The following STX6 variants were observed in gnomAD, a reference collection of about 807,000 sequenced individuals.
STX6 encodes syntaxin-6.
Under a neutral mutation model 38.0 loss-of-function variants are expected in STX6, and 23 were observed. The observed-to-expected ratio is 0.60, with a 90% CI of 0.43 to 0.86. STX6 has a LOEUF of 0.86. Among genes scored for constraint, STX6 ranks in the 40% least tolerant of loss-of-function variants. STX6 has a pLI of 0.00. For synonymous variants in STX6, 123 were observed against 107.5 expected (o/e 1.14, Z -0.89); for missense variants, 274 against 312.9 (o/e 0.88, Z 0.94).
At chr1:180,994,455 C>T (rs994202854) in intron 3 of STX6, among the ~76,000 whole-genome samples, 3 of 152,212 alleles carry the variant, frequency 2.0e-5, no homozygotes, top group African/African-American at 7.2e-5. Context: ...CTAGCTAGGC[C>T]CCTGCCCACA....
intron 1 of STX6, among the ~76,000 whole-genome samples, chr1:181,022,082 C>T (rs1656745023): frequency 1.3e-5 from 2 of 152,126 alleles, no homozygotes; most frequent in African/African-American, 2.4e-5. Context: ...TGCTCCCCAG[C>T]CTCCCAGAAC....
intron 2 of STX6, 116 bp from the exon 3 acceptor site, chr1:181,002,816 C>T: frequency 1.5e-6 from 1 of 673,956 alleles, no homozygotes; most frequent in Non-Finnish European, 2.6e-6. Context: ...TTTCTGAAAA[C>T]ACAGTCAGCT....
intron 6 of STX6, among the ~76,000 whole-genome samples, chr1:180,985,609 A>T (rs530567799): frequency 6.6e-6 from 1 of 152,330 alleles, no homozygotes; most frequent in Non-Finnish European, 1.5e-5. Context: ...AGTATTTCCC[A>T]CTAGGAAAAC....
At chr1:180,979,529 CAA>C (rs1194648957) in intron 7 of STX6, among the ~76,000 whole-genome samples, 1 of 152,186 alleles carries the variant, frequency 6.6e-6, no homozygotes, top group Admixed American at 6.5e-5. Context: ...TACACCTTAA[CAA>C]AAATTAACTC....
chr1:181,022,072 T>A (rs376213090), intron 1 of STX6, among the ~76,000 whole-genome samples: 1 of 152,130 alleles, frequency 6.6e-6, no homozygotes, highest in Non-Finnish European at 1.5e-5. Context: ...TCCGGTGCCC[T>A]GCTCCCCAGC....
Position 181,002,698 on chromosome 1 carries a change from T to C in STX6, c.208A>G (p.Ile70Val), listed in dbSNP as rs769801487. 1.2e-4 allele frequency: 196 copies of C among 1,610,068 alleles called. No homozygotes were observed. The highest frequency in any genetic ancestry group is 1.6e-4 in the Non-Finnish European group (191 of 1,176,816). ...AATTTTCTAGGATTTGCTTCAACTA[T>C]GCGTAGGTCAAAAAGTCAAGGTAAA... ...DLEDLDETIS[I>V]VEANPRKFNL... is the part of the protein sequence containing the mutation. Residue 70 changes from isoleucine to valine, a missense_variant and splice_region_variant, in exon 3 of 8, where the codon ATA becomes GTA. Coordinates refer to ENST00000258301, the MANE Select transcript of STX6 (RefSeq NM_005819.6).
chr1:180,987,019 C>CA (rs1267441383), intron 6 of STX6, among the ~76,000 whole-genome samples: 1 of 152,194 alleles, frequency 6.6e-6, no homozygotes, highest in African/African-American at 2.4e-5. Flanking sequence ...CACACCTGAT[C>CA]ACACCATCAC....
chr1:180,986,619 C>T (rs1655597342), intron 6 of STX6, among the ~76,000 whole-genome samples: 1 of 152,196 alleles, frequency 6.6e-6, no homozygotes, highest in South Asian at 2.1e-4. Flanking sequence ...TCATAGCTCA[C>T]TGCAGCCTCA....
chr1:181,012,760 C>T (rs746474435), intron 1 of STX6, among the ~76,000 whole-genome samples: 5 of 151,144 alleles, frequency 3.3e-5, no homozygotes, highest in Admixed American at 1.3e-4. Context: ...CCACAACCTC[C>T]GCCTCCCAGG....
chr1:181,017,724 T>C (rs1656601779), intron 1 of STX6, among the ~76,000 whole-genome samples: 2 of 152,294 alleles, frequency 1.3e-5, no homozygotes, highest in Non-Finnish European at 2.9e-5. Context: ...TTAAATATGA[T>C]ATTTTCACCC....
Position 180,984,738 on chromosome 1 carries a change from G to GCT in STX6, c.628_629dup (p.Ser210ArgfsTer10), listed in dbSNP as rs1558087995. 6.3e-7 allele frequency: 1 copy of GCT among 1,595,220 alleles called. No homozygotes were observed. The stretch of plus-strand genomic sequence containing the variant: ...TCACATTGTCCAGCCGGGACTGAGT[G>GCT]CTCTCCAATTCGTGAGAGAAATCTT... On this transcript the variant is annotated frameshift_variant, in exon 7 of 8. Transcript: ENST00000258301. LOFTEE classifies it high-confidence loss of function.
At chr1:180,980,719 TA>T (rs1655387172) in intron 7 of STX6, 1 of 152,128 alleles carries the variant, frequency 6.6e-6, no homozygotes. Flanking sequence ...CACGCCTGGC[TA>T]ATTTGCACAT....
chr1:181,016,346 TTTC>T (rs1475488570), intron 1 of STX6, among the ~76,000 whole-genome samples: 2 of 152,210 alleles, frequency 1.3e-5, no homozygotes, highest in African/African-American at 4.8e-5. Context: ...AGCATGGGTC[TTTC>T]TTTTTTTTTC....
intron 1 of STX6, among the ~76,000 whole-genome samples, chr1:181,007,879 CA>C (rs892987405): frequency 1.5e-4 from 23 of 151,652 alleles, no homozygotes; most frequent in African/African-American, 3.9e-4. Flanking sequence ...AATTCTAAAA[CA>C]AAAAAAATGT....
In STX6 at chr1:181,005,358, G is replaced by C; in HGVS notation, c.141C>G (p.Thr47=). Residue 47 remains threonine (T), a synonymous_variant, in exon 2 of 8, where the codon ACC becomes ACG. Transcript: ENST00000258301. ...TCCGGAGGTTATTTCTCAGCTCGTT[G>C]GTGGTCCAGTCGATTTCTTCCCTTG... is the stretch of plus-strand genomic sequence containing the variant. ...TATREEIDWT[T]NELRNNLRSI... is the part of the protein sequence containing the mutation. The C allele has an allele frequency of 1.2e-6, 2 of 1,614,082 alleles. No homozygotes were observed.
intron 7 of STX6, among the ~76,000 whole-genome samples, chr1:180,980,330 T>A (rs2102300390): frequency 9.9e-6 from 1 of 100,706 alleles, no homozygotes; most frequent in Non-Finnish European, 2.3e-5. Context: ...ATTAGAATGG[T>A]CAAAACCCCA....
chr1:181,021,601 T>G (rs1656728234), intron 1 of STX6, among the ~76,000 whole-genome samples: 2 of 152,220 alleles, frequency 1.3e-5, no homozygotes, highest in Non-Finnish European at 2.9e-5. Context: ...CCTGGGAACT[T>G]TGCAGTTTTC....
chr1:180,992,167 G>A (rs1655773958), intron 4 of STX6, among the ~76,000 whole-genome samples: 1 of 152,010 alleles, frequency 6.6e-6, no homozygotes. Flanking sequence ...TTTCAAGAGA[G>A]GGAGCCAGAT....
chr1:180,983,138 T>C (rs1289395910), intron 7 of STX6, among the ~76,000 whole-genome samples: 2 of 152,220 alleles, frequency 1.3e-5, no homozygotes, highest in African/African-American at 4.8e-5. Context: ...CCTGGAGAGG[T>C]AGGACTCAAC....
Sources: allele counts gnomAD v4.1 joint callset (sites outside exome capture counted in the v4.1 genomes callset), GRCh38; gene constraint gnomAD v4.1.1; transcripts MANE v1.5; gene names NCBI Gene and HGNC (gene_info 2026-07-23, HGNC 2026-07-21).